The following PLXNC1 variants were observed in gnomAD, a reference collection of about 807,000 sequenced individuals.
PLXNC1 encodes the protein plexin-C1.
Under a neutral mutation model 178.2 loss-of-function variants are expected in PLXNC1, and 75 were observed. The ratio of observed to expected loss-of-function variants is 0.42; its 90% CI spans 0.35 to 0.51. The LOEUF (loss-of-function observed/expected upper bound fraction) is 0.51. Among genes scored for constraint, PLXNC1 ranks in the 20% least tolerant of loss-of-function variants. The pLI, the probability that PLXNC1 is intolerant of heterozygous loss-of-function variation, is 0.02. For synonymous variants in PLXNC1, 790 were observed against 779.9 expected (o/e 1.01, Z -0.22); for missense variants, 1,503 against 1,984.4 (o/e 0.76, Z 4.61).
chr12:94,297,481 G>T, intron 26 of PLXNC1, 58 bp downstream of exon 26: 1 of 1,187,598 alleles, frequency 8.4e-7, no homozygotes, highest in South Asian at 1.3e-5. Context: ...TGATATGTTT[G>T]ACTTAATTTC....
At chr12:94,220,941 T>C (rs560955012) in intron 6 of PLXNC1, among the ~76,000 whole-genome samples, 2 of 152,036 alleles carry the variant, frequency 1.3e-5, no homozygotes, top group Non-Finnish European at 2.9e-5. Context: ...CCAAGGCACA[T>C]GGGGTAGGGG....
At chr12:94,294,585 A>T (rs1233847009) in intron 24 of PLXNC1, 45 bp downstream of exon 24, 1 of 854,196 alleles carries the variant, frequency 1.2e-6, no homozygotes, top group Non-Finnish European at 1.9e-6. Flanking sequence ...ACCCAGCTTC[A>T]TAAAGTATTG....
At position 94,177,149 on chromosome 12, in the gene PLXNC1, GTA is replaced by G. The variant is rs1193393522; in HGVS notation, c.1204-4287_1204-4286del. Among the ~76,000 whole-genome samples, 90 of 91,838 alleles carry G rather than the reference GTA, an allele frequency of 9.8e-4. 1 individual carries two copies. Among genetic ancestry groups the G allele is most frequent in the South Asian group, 3.2e-3 (9 of 2,780 alleles). 60.2% of individuals were successfully genotyped at this position (91,838 alleles called of 152,430 possible). On this transcript the variant is annotated intron_variant, in intron 2 of 30. Transcript: ENST00000258526. ...TGTGTGTATATATATGTGTGTGTGT[GTA>G]TATATATATGTATATATATATATAC...
intron 21 of PLXNC1, among the ~76,000 whole-genome samples, chr12:94,274,155 TAAAAAAAAAAAAAAAA>T (rs3060881): frequency 1.5e-4 from 7 of 45,376 alleles, no homozygotes; most frequent in Non-Finnish European, 1.7e-4. Flanking sequence ...ACCCTGTCTC[TAAAAAAAAAAAAAAAA>T]AAAAAAAAAA....
At chr12:94,283,809 C>T (rs1029511684) in intron 23 of PLXNC1, among the ~76,000 whole-genome samples, 2 of 152,050 alleles carry the variant, frequency 1.3e-5, no homozygotes, top group African/African-American at 2.4e-5. Flanking sequence ...CTGGGCCAGG[C>T]GTGGTGGCTC....
intron 20 of PLXNC1, chr12:94,262,544 C>A: frequency 1.0e-6 from 1 of 985,422 alleles, no homozygotes; most frequent in Non-Finnish European, 1.2e-6. Context: ...AAGAGCGTCT[C>A]GAGCACTCTG....
In PLXNC1 at chr12:94,301,301, T is replaced by C. The variant is rs1278065343; in HGVS notation, c.4386+244T>C. ...GCAGAATTCTGCCTGTGAAAAACTT[T>C]ATCACAAAGTATGCGTTTTGTTTCC... On this transcript the variant is annotated intron_variant, in intron 28 of 30. Coordinates refer to ENST00000258526, the MANE Select transcript of PLXNC1 (RefSeq NM_005761.3). 4.6e-5 allele frequency among the ~76,000 whole-genome samples: 7 copies of C among 152,374 alleles called. No homozygotes were observed. The South Asian group carries it at 1.4e-3, about 32-fold the overall frequency.
chr12:94,194,997 G>A (rs775488964), intron 4 of PLXNC1, among the ~76,000 whole-genome samples: 2 of 151,966 alleles, frequency 1.3e-5, no homozygotes, highest in Admixed American at 6.6e-5. Context: ...AAGAGTGGTC[G>A]GGAGGCATTT....
chr12:94,298,491 A>ATTTTACATTT (rs1411593020), intron 26 of PLXNC1, 141 bp from the exon 27 acceptor site: 1 of 708,896 alleles, frequency 1.4e-6, no homozygotes, highest in Non-Finnish European at 2.3e-6. Flanking sequence ...ACATTTGACA[A>ATTTTACATTT]TTTTACATTT....
In PLXNC1 at chr12:94,260,352, C is replaced by T. The variant is rs956900062; in HGVS notation, c.3252-290C>T. 2.6e-5 allele frequency among the ~76,000 whole-genome samples: 4 copies of T among 151,950 alleles called. No individual in the cohort carries two copies. Among genetic ancestry groups the T allele is most frequent in the African/African-American group, 9.7e-5 (4 of 41,334 alleles). Reference sequence around the variant, plus strand: ...GGATTATAGGCGTGAACCACCATGCCCGGCCCATAAATTCTTAATAAAAAA... The same window carrying T: ...GGATTATAGGCGTGAACCACCATGCTCGGCCCATAAATTCTTAATAAAAAA... On this transcript the variant is annotated intron_variant, in intron 19 of 30. Coordinates refer to ENST00000258526, the MANE Select transcript of PLXNC1 (RefSeq NM_005761.3). The surrounding 1 kb of genome is among the most constrained non-coding windows in gnomAD (Gnocchi z 4.4).
chr12:94,212,931 A>G (rs1365706717), intron 5 of PLXNC1, among the ~76,000 whole-genome samples: 23 of 152,058 alleles, frequency 1.5e-4, no homozygotes, highest in South Asian at 6.2e-4. Context: ...GTGTTGGCCA[A>G]GATGGTCTCA....
At position 94,305,516 on chromosome 12, in the gene PLXNC1, G is replaced by GCAAA. The variant is rs1266948520; in HGVS notation, c.*234_*237dup. 6.6e-6 allele frequency: 3 copies of GCAAA among 453,192 alleles called. No individual in the cohort carries two copies. Among genetic ancestry groups the GCAAA allele is most frequent in the African/African-American group, 3.9e-5 (2 of 50,636 alleles). The allele number at this position is 453,192 out of a possible 1,614,324, so 28.1% of individuals were successfully genotyped here. A position where few individuals can be genotyped will look rare whatever the true frequency, so the allele number is the denominator to read the frequency against. ...TGTAAATAGAGTTGAAGTGGTTGTTGCAAACAGCCTCCTTGTTTACAGAGA... is the reference window on the plus strand; with the variant it reads ...TGTAAATAGAGTTGAAGTGGTTGTTGCAAACAAACAGCCTCCTTGTTTACAGAGA... On this transcript the variant is annotated 3_prime_UTR_variant, in exon 31 of 31. Coordinates refer to ENST00000258526, the MANE Select transcript of PLXNC1 (RefSeq NM_005761.3).
intron 25 of PLXNC1, 45 bp downstream of exon 25, chr12:94,297,265 C>T: frequency 1.9e-6 from 3 of 1,613,400 alleles, no homozygotes; most frequent in Non-Finnish European, 2.5e-6. Context: ...TGCATGCCTT[C>T]TGTAGCAAGA....
Position 94,260,548 on chromosome 12 carries a change from G to C in PLXNC1, c.3252-94G>C. The C allele has an allele frequency of 6.6e-6, 5 of 756,590 alleles. No homozygotes were observed. The highest frequency in any genetic ancestry group is 2.8e-5 in the East Asian group (1 of 35,268). 46.9% of individuals were successfully genotyped at this position (756,590 alleles called of 1,614,324 possible). A position where few individuals can be genotyped will look rare whatever the true frequency, so the allele number is the denominator to read the frequency against. On this transcript the variant is annotated intron_variant, in intron 19 of 30. Transcript: ENST00000258526. This position sits in a 1 kb window ranked among gnomAD's most constrained non-coding sequence, Gnocchi z 4.4. ...AAAAAGCTCCCAACCCAACAGGCCA[G>C]CTCCCTGCCCTGCCAGTGAGCTTCC...
chr12:94,163,406 T>C (rs1481971063), intron 1 of PLXNC1, among the ~76,000 whole-genome samples: 1 of 152,154 alleles, frequency 6.6e-6, no homozygotes, highest in Non-Finnish European at 1.5e-5. Context: ...AGTTTCACGC[T>C]ATCTGCCATT....
intron 26 of PLXNC1, 47 bp downstream of exon 26, chr12:94,297,470 A>G: frequency 7.8e-7 from 1 of 1,289,722 alleles, no homozygotes; most frequent in Non-Finnish European, 1.1e-6. Flanking sequence ...TAGGGGGTGT[A>G]TGATATGTTT....
chr12:94,230,187 G>A (rs1000923231), intron 9 of PLXNC1, among the ~76,000 whole-genome samples: 3 of 152,184 alleles, frequency 2.0e-5, no homozygotes, highest in South Asian at 2.1e-4. Flanking sequence ...TTATATAAAC[G>A]GAATCATCCA....
chr12:94,194,159 C>A (rs1962830981), intron 4 of PLXNC1, among the ~76,000 whole-genome samples: 1 of 152,060 alleles, frequency 6.6e-6, no homozygotes, highest in Admixed American at 6.6e-5. Context: ...AGGTGCCACA[C>A]ACTTTTAAAC....
chr12:94,237,810 C>A lies in PLXNC1; in HGVS notation c.2120+7C>A. On this transcript the variant is annotated splice_region_variant and intron_variant, in intron 10 of 30. Coordinates refer to ENST00000258526, the MANE Select transcript of PLXNC1 (RefSeq NM_005761.3). ...GTACCTGTGATAAGGATGTGTGAGT[C>A]GAAATACTAATAATTTATCCTCGGT... 1.2e-6 allele frequency: 2 copies of A among 1,612,012 alleles called. No individual in the cohort carries two copies. Among genetic ancestry groups the A allele is most frequent in the South Asian group, 2.2e-5 (2 of 90,916 alleles).
Sources: allele counts gnomAD v4.1 joint callset (sites outside exome capture counted in the v4.1 genomes callset), GRCh38; gene constraint gnomAD v4.1.1; non-coding constraint Gnocchi (gnomAD v3.1); transcripts MANE v1.5; gene names NCBI Gene and HGNC (gene_info 2026-07-23, HGNC 2026-07-21).